Variants in RTN2 observed in about 807,000 individuals in gnomAD.
RTN2 encodes the protein reticulon-2.
In RTN2, 36 loss-of-function variants were observed where a neutral mutation model predicts 63.7. The ratio of observed to expected loss-of-function variants is 0.56; its 90% confidence interval spans 0.43 to 0.75. The LOEUF is 0.75. RTN2 is among the 30% of genes least tolerant of loss of function. The pLI is 0.00. For missense variants in RTN2, 673 were observed against 705.1 expected, an observed-to-expected ratio of 0.95 and a Z score of 0.52; for synonymous variants, 312 against 313.0, an observed-to-expected ratio of 1.00 and a Z score of 0.03.
At chr19:45,495,234 G>A (rs1290950078) in intron 1 of RTN2, 95 bp from the exon 2 acceptor site, 3 of 1,434,974 alleles carry the variant, frequency 2.1e-6, no homozygotes, top group African/African-American at 2.8e-5. Flanking sequence ...TTTGAATCAC[G>A]GGATTTTTAG....
chr19:45,486,160 T>C (rs1968016390), intron 9 of RTN2, 47 bp from the exon 10 acceptor site: 3 of 1,564,062 alleles, frequency 1.9e-6, no homozygotes, highest in Non-Finnish European at 8.8e-7. Flanking sequence ...AGGGGTTTCT[T>C]CTCTTTAGTC....
At chr19:45,486,163 CT>C in intron 9 of RTN2, 50 bp from the exon 10 acceptor site, 1 of 1,545,904 alleles carries the variant, frequency 6.5e-7, no homozygotes, top group Non-Finnish European at 8.9e-7. Flanking sequence ...GGTTTCTTCT[CT>C]TTAGTCACAT....
intron 10 of RTN2, 58 bp downstream of exon 10, chr19:45,485,997 A>G (rs1968012819): frequency 6.5e-7 from 1 of 1,541,442 alleles, no homozygotes; most frequent in Admixed American, 1.7e-5. Context: ...AGTAGAAAGG[A>G]AAGGTTCCCA....
chr19:45,489,115 A>G (rs945988086), intron 6 of RTN2, 129 bp from the exon 7 acceptor site: 4 of 1,101,892 alleles, frequency 3.6e-6, no homozygotes, highest in Middle Eastern at 5.8e-4. Flanking sequence ...GGCAGCTCAG[A>G]GGAATCATAT....
intron 1 of RTN2, 31 bp downstream of exon 1, chr19:45,496,761 C>A: frequency 6.8e-7 from 1 of 1,466,440 alleles, no homozygotes; most frequent in South Asian, 1.3e-5. Context: ...CCTCTGGGGC[C>A]CACACCAGGC....
At chr19:45,489,092 GT>G in intron 6 of RTN2, 106 bp from the exon 7 acceptor site, 1 of 1,305,084 alleles carries the variant, frequency 7.7e-7, no homozygotes, top group Non-Finnish European at 1.1e-6. Flanking sequence ...GAAGACCAGA[GT>G]TAGGACTGAG....
chr19:45,488,741 G>T, intron 7 of RTN2, 35 bp from the exon 8 acceptor site: 1 of 1,608,234 alleles, frequency 6.2e-7, no homozygotes, highest in South Asian at 1.1e-5. Flanking sequence ...AGAGCCCACC[G>T]GGAATTCCCT....
rs368159418 is a variant in RTN2 at position 45,496,558 on chromosome 19, CG to C, written c.34+233del. 2.5e-4 allele frequency: 90 copies of C among 367,264 alleles called. No individual in the cohort carries two copies. In the South Asian group the frequency reaches 5.9e-3, roughly 24 times the overall value. The allele number at this position is 367,264 out of a possible 1,614,324, so 22.8% of individuals were successfully genotyped here. A position where few individuals can be genotyped will look rare whatever the true frequency, so the allele number is the denominator to read the frequency against. On this transcript the variant is annotated intron_variant, in intron 1 of 10. Coordinates refer to ENST00000245923, the MANE Select transcript of RTN2 (RefSeq NM_005619.5). The stretch of plus-strand genomic sequence containing the variant: ...GGGCGGTACGTCCCAGAGCGCAGCG[CG>C]CCCCCCGCCTGCTGTCTCAGTGCCC...
chr19:45,488,713 G>T lies in RTN2; in HGVS notation c.1381-7C>A. 6.2e-7 allele frequency: 1 copy of T among 1,613,238 alleles called. No homozygotes were observed. The highest frequency in any genetic ancestry group is 1.7e-5 in the Admixed American group (1 of 59,836). On this transcript the variant is annotated splice_region_variant and splice_polypyrimidine_tract_variant and intron_variant, in intron 7 of 10. Coordinates refer to ENST00000245923, the MANE Select transcript of RTN2 (RefSeq NM_005619.5). The stretch of plus-strand genomic sequence containing the variant: ...TGTAGAAGAGGAGGGCCAGCTGGGG[G>T]TGAAGGTCAGGGTCAGCAGAGCCCA...
chr19:45,487,759 T>C (rs1407415950), intron 9 of RTN2, among the ~76,000 whole-genome samples: 1 of 150,692 alleles, frequency 6.6e-6, no homozygotes, highest in Non-Finnish European at 1.5e-5. Flanking sequence ...CTGGCCAGCA[T>C]GGTGAAACCC....
At position 45,494,859 on chromosome 19, in the gene RTN2, C is replaced by CG; in HGVS notation, c.225dup (p.Gly76ArgfsTer51). 6.2e-7 allele frequency: 1 copy of CG among 1,606,066 alleles called. No homozygotes were observed. The highest frequency in any genetic ancestry group is 8.5e-7 in the Non-Finnish European group (1 of 1,179,830). On this transcript the variant is annotated frameshift_variant, in exon 3 of 11. Transcript: ENST00000245923. LOFTEE classifies it high-confidence loss of function. The surrounding 1 kb of genome is among the most constrained non-coding windows in gnomAD (Gnocchi z 5.3). The stretch of plus-strand genomic sequence containing the variant: ...CGGGCAGTTGAATCCCTGCGGCCCC[C>CG]GGAGCCCACTACACCATCAAAGGCG...
chr19:45,491,832 G>A (rs1318911767), intron 5 of RTN2, among the ~76,000 whole-genome samples: 3 of 151,018 alleles, frequency 2.0e-5, no homozygotes, highest in African/African-American at 2.4e-5. Context: ...ATAGGGTCTC[G>A]CTATGTTGCC....
chr19:45,496,402 A>C (rs1443350054), intron 1 of RTN2, among the ~76,000 whole-genome samples: 1 of 152,184 alleles, frequency 6.6e-6, no homozygotes, highest in East Asian at 1.9e-4. Context: ...TGCGAAGGCA[A>C]GTGATTGGGA....
intron 10 of RTN2, 69 bp downstream of exon 10, chr19:45,485,986 G>T: frequency 1.4e-6 from 2 of 1,474,732 alleles, no homozygotes; most frequent in Non-Finnish European, 1.9e-6. Flanking sequence ...CGGACAGCGA[G>T]AGTAGAAAGG....
At chr19:45,492,144 A>C (rs1231179356) in intron 5 of RTN2, among the ~76,000 whole-genome samples, 1 of 152,114 alleles carries the variant, frequency 6.6e-6, no homozygotes, top group East Asian at 1.9e-4. Flanking sequence ...TAAATGTATT[A>C]ATCACGCCAT....
rs368808352 is a variant in RTN2, at chr19:45,494,075, G to A, written c.814+91C>T. On this transcript the variant is annotated intron_variant, in intron 4 of 10. Transcript: ENST00000245923. This position sits in a 1 kb window ranked among gnomAD's most constrained non-coding sequence, Gnocchi z 5.3. ...TCTCTTCCCTTTTCCACTATGTACT[G>A]TTCCTTTGCGAGGTTGGTCCCTTTA... is the stretch of plus-strand genomic sequence containing the variant. The A allele has an allele frequency of 2.0e-5, 30 of 1,524,758 alleles. No individual in the cohort carries two copies. The East Asian group carries it at 2.3e-4, about 11-fold the overall frequency. The allele number at this position is 1,524,758 out of a possible 1,614,324, so 94.5% of individuals were successfully genotyped here. A position where few individuals can be genotyped will look rare whatever the true frequency, so the allele number is the denominator to read the frequency against.
chr19:45,494,335 C>A lies in RTN2; in HGVS notation c.645G>T (p.Gln215His). 1.2e-6 allele frequency: 2 copies of A among 1,614,168 alleles called. No individual in the cohort carries two copies. The highest frequency in any genetic ancestry group is 1.7e-6 in the Non-Finnish European group (2 of 1,180,030). Reference sequence around the variant, plus strand: ...ATCGGGATGGGGACGGAGTACCGGCCTGGGGTGTCCCAGAGCCCGGACTGA... The same window carrying A: ...ATCGGGATGGGGACGGAGTACCGGCATGGGGTGTCCCAGAGCCCGGACTGA... The part of the protein sequence containing the change: ...PQLSPGSGTP[Q>H]AGTPSPSRSR... The change falls in exon 4 of 11, where the codon CAG becomes CAT. Residue 215 changes from glutamine (Q) to histidine (H), a missense_variant. Physicochemically the swap from Gln to His is conservative, Grantham distance 24. Transcript: ENST00000245923. This position sits in a 1 kb window ranked among gnomAD's most constrained non-coding sequence, Gnocchi z 5.3.
intron 9 of RTN2, among the ~76,000 whole-genome samples, chr19:45,488,009 T>C (rs1303975074): frequency 9.3e-5 from 14 of 150,122 alleles, no homozygotes; most frequent in South Asian, 4.2e-4. Flanking sequence ...TCCCAGCACT[T>C]TGGGAGGCCA....
At chr19:45,492,667 G>C (rs1460879138) in intron 5 of RTN2, among the ~76,000 whole-genome samples, 1 of 152,100 alleles carries the variant, frequency 6.6e-6, no homozygotes, top group Non-Finnish European at 1.5e-5. Context: ...CCCTCCGACC[G>C]GTCCCTCTTA....
Sources: allele counts gnomAD v4.1 joint callset (sites outside exome capture counted in the v4.1 genomes callset), GRCh38; gene constraint gnomAD v4.1.1; non-coding constraint Gnocchi (gnomAD v3.1); transcripts MANE v1.5; gene names NCBI Gene and HGNC (gene_info 2026-07-23, HGNC 2026-07-21).